The following CPE variants were observed in gnomAD, a reference collection of about 807,000 sequenced individuals.
CPE encodes the protein carbocypeptidase E.
In CPE, 17 loss-of-function variants were observed where a neutral mutation model predicts 53.5. The ratio of observed to expected loss-of-function variants is 0.32; its 90% CI spans 0.22 to 0.48. CPE has a LOEUF of 0.48. Among genes scored for constraint, CPE ranks in the 20% least tolerant of loss-of-function variants. The probability of loss-of-function intolerance (pLI) is 0.99; values close to 1 mark genes in which losing one functional copy is unlikely to be tolerated. For synonymous variants in CPE, 226 were observed against 228.8 expected, an observed-to-expected ratio of 0.99 and a Z score of 0.11; for missense variants, 524 against 614.7, an observed-to-expected ratio of 0.85 and a Z score of 1.56.
intron 1 of CPE, among the ~76,000 whole-genome samples, chr4:165,447,248 G>A (rs1731731200): frequency 6.6e-6 from 1 of 152,074 alleles, no homozygotes; most frequent in Non-Finnish European, 1.5e-5. Context: ...ATTAACACTG[G>A]ATACTTTGGT....
intron 1 of CPE, among the ~76,000 whole-genome samples, chr4:165,459,343 C>T (rs1033769475): frequency 6.6e-6 from 1 of 152,130 alleles, no homozygotes. Flanking sequence ...CAACCAGGCA[C>T]ATTAAATGTT....
chr4:165,474,828 T>G (rs1036469481), intron 3 of CPE, among the ~76,000 whole-genome samples: 1 of 152,232 alleles, frequency 6.6e-6, no homozygotes, highest in African/African-American at 2.4e-5. Context: ...TGACTCTCAC[T>G]CAGAGCATTG....
intron 1 of CPE, among the ~76,000 whole-genome samples, chr4:165,397,564 A>G (rs528666187): frequency 6.6e-6 from 1 of 152,276 alleles, no homozygotes; most frequent in Admixed American, 6.5e-5. Flanking sequence ...AGATGTTGCC[A>G]TGTTCTTAGA....
At chr4:165,422,288 CGTT>C (rs10557049) in intron 1 of CPE, among the ~76,000 whole-genome samples, 44,697 of 151,392 alleles carry the variant, frequency 0.3, 6,644 homozygotes, top group Middle Eastern at 0.39. Flanking sequence ...CTCAATTCAT[CGTT>C]GTTCTTTCAT....
At chr4:165,402,567 T>TA (rs1730886001) in intron 1 of CPE, among the ~76,000 whole-genome samples, 1 of 152,160 alleles carries the variant, frequency 6.6e-6, no homozygotes, top group African/African-American at 2.4e-5. Context: ...TGATTAAGTG[T>TA]ATGGTACCTC....
intron 1 of CPE, among the ~76,000 whole-genome samples, chr4:165,402,407 T>C (rs2126662100): frequency 6.6e-6 from 1 of 152,334 alleles, no homozygotes; most frequent in Non-Finnish European, 1.5e-5. Context: ...CACCATGTGA[T>C]ACAGTTTGGA....
chr4:165,404,173 C>A, intron 1 of CPE: 1 of 760,750 alleles, frequency 1.3e-6, no homozygotes, highest in South Asian at 1.4e-5. Flanking sequence ...GGTCCACTAT[C>A]TTCTGGGCTT....
intron 1 of CPE, among the ~76,000 whole-genome samples, chr4:165,419,658 C>T (rs556000169): frequency 6.6e-6 from 1 of 152,246 alleles, no homozygotes; most frequent in African/African-American, 2.4e-5. Context: ...CTTTCAATGG[C>T]AGAAGGGGTT....
chr4:165,490,518 A>G (rs1732581820), intron 6 of CPE, among the ~76,000 whole-genome samples: 2 of 151,556 alleles, frequency 1.3e-5, no homozygotes, highest in South Asian at 4.2e-4. Context: ...CTGTAGTCCC[A>G]GCTACTCCGG....
chr4:165,433,023 A>T (rs531484050), intron 1 of CPE, among the ~76,000 whole-genome samples: 2 of 152,316 alleles, frequency 1.3e-5, no homozygotes, highest in East Asian at 3.9e-4. Flanking sequence ...AAAGCTCTCC[A>T]TTGGCTTTAT....
intron 5 of CPE, among the ~76,000 whole-genome samples, chr4:165,484,831 C>T (rs1195735769): frequency 1.3e-5 from 2 of 152,046 alleles, no homozygotes; most frequent in Admixed American, 1.3e-4. Context: ...TGAAGAGATA[C>T]AGGAAATGAA....
chr4:165,428,504 T>C lies in CPE; in HGVS notation c.308-35886T>C, dbSNP rs947741078. ...AAGACAACTTGGTCTCCCATATACATGTATTACCCATGGTATTAGTTTCCT... is the reference window on the plus strand; with the variant it reads ...AAGACAACTTGGTCTCCCATATACACGTATTACCCATGGTATTAGTTTCCT... On this transcript the variant is annotated intron_variant, in intron 1 of 8. Coordinates refer to ENST00000402744, the MANE Select transcript of CPE (RefSeq NM_001873.4). 2.0e-5 allele frequency among the ~76,000 whole-genome samples: 3 copies of C among 152,256 alleles called. 1 individual carries two copies. Among genetic ancestry groups the C allele is most frequent in the Non-Finnish European group, 4.4e-5 (3 of 68,048 alleles).
intron 4 of CPE, among the ~76,000 whole-genome samples, 171 bp downstream of exon 4, chr4:165,482,530 C>T (rs1732433242): frequency 6.6e-6 from 1 of 152,074 alleles, no homozygotes; most frequent in Non-Finnish European, 1.5e-5. Context: ...ATGGTGTTGG[C>T]ATATCTATTT....
At chr4:165,496,349 A>G (rs1388433719) in intron 8 of CPE, among the ~76,000 whole-genome samples, 1 of 152,238 alleles carries the variant, frequency 6.6e-6, no homozygotes, top group Non-Finnish European at 1.5e-5. Context: ...TGCAAACAAA[A>G]TATCTTGAGT....
chr4:165,484,301 G>C, intron 4 of CPE, 121 bp from the exon 5 acceptor site: 1 of 918,338 alleles, frequency 1.1e-6, no homozygotes, highest in Non-Finnish European at 1.6e-6. Context: ...CTTTCCCATA[G>C]TTATGTAGCT....
chr4:165,391,506 A>G (rs1730679377), intron 1 of CPE, among the ~76,000 whole-genome samples: 1 of 152,148 alleles, frequency 6.6e-6, no homozygotes, highest in East Asian at 1.9e-4. Context: ...TGCAGTGTAA[A>G]TCATCCTAAT....
Position 165,467,763 on chromosome 4 carries a change from C to G in CPE, c.580C>G (p.Leu194Val), listed in dbSNP as rs1390271010. 7.4e-6 allele frequency: 12 copies of G among 1,613,306 alleles called. No individual in the cohort carries two copies. Among genetic ancestry groups the G allele is most frequent in the Non-Finnish European group, 1.0e-5 (12 of 1,179,788 alleles). ...AGATCTGAACCGGAACTTTCCAGAC[C>G]TGGATAGGATAGTGTACGTGAATGA... ...GIDLNRNFPD[L>V]DRIVYVNEKE... The change falls in exon 3 of 9, where the codon CTG (leucine) becomes GTG (valine). Residue 194 changes from leucine to valine, a missense_variant. Physicochemically the swap from Leu to Val is conservative, Grantham distance 32. Transcript: ENST00000402744.
chr4:165,428,140 C>T (rs1731353035), intron 1 of CPE, among the ~76,000 whole-genome samples: 1 of 152,200 alleles, frequency 6.6e-6, no homozygotes, highest in Non-Finnish European at 1.5e-5. Context: ...AGACATCCTC[C>T]TGCCTTAGCC....
chr4:165,428,524 T>A (rs1560879193), intron 1 of CPE, among the ~76,000 whole-genome samples: 1 of 152,262 alleles, frequency 6.6e-6, no homozygotes, highest in Non-Finnish European at 1.5e-5. Context: ...ATGGTATTAG[T>A]TTCCTGTGGA....
Sources: allele counts gnomAD v4.1 joint callset (sites outside exome capture counted in the v4.1 genomes callset), GRCh38; gene constraint gnomAD v4.1.1; transcripts MANE v1.5; gene names NCBI Gene and HGNC (gene_info 2026-07-23, HGNC 2026-07-21).